TRAPPC9: variants seen among roughly 807,000 people sequenced by gnomAD.
The protein encoded by TRAPPC9 is IKK2 binding protein.
Under a neutral mutation model 124.0 loss-of-function variants are expected in TRAPPC9, and 83 were observed. The ratio of observed to expected loss-of-function variants is 0.67; its 90% CI spans 0.56 to 0.80. The LOEUF (loss-of-function observed/expected upper bound fraction) is 0.80, where lower values mean the gene tolerates loss of function less well. TRAPPC9 is among the 30% of genes least tolerant of loss of function. TRAPPC9 has a pLI of 0.00. For missense variants in TRAPPC9, 1,302 were observed against 1,508.3 expected (o/e 0.86, Z 2.27); for synonymous variants, 638 against 617.5 (o/e 1.03, Z -0.49).
chr8:140,174,438 G>A (rs1012306716), intron 17 of TRAPPC9, among the ~76,000 whole-genome samples: 1 of 152,132 alleles, frequency 6.6e-6, no homozygotes, highest in Non-Finnish European at 1.5e-5. Context: ...TTCACCCTTT[G>A]GAAACGGTAT....
chr8:140,099,158 G>T (rs954939641), intron 17 of TRAPPC9: 1 of 151,082 alleles, frequency 6.6e-6, no homozygotes, highest in African/African-American at 2.4e-5. Flanking sequence ...AGTCCGCAGG[G>T]TACTGACGCC....
At chr8:140,164,392 C>G (rs1018877061) in intron 17 of TRAPPC9, among the ~76,000 whole-genome samples, 2 of 152,214 alleles carry the variant, frequency 1.3e-5, no homozygotes, top group African/African-American at 4.8e-5. Flanking sequence ...GGTCTCCCTG[C>G]TATTAATCGT....
chr8:139,920,596 C>T (rs558013468), intron 19 of TRAPPC9, among the ~76,000 whole-genome samples: 68 of 152,362 alleles, frequency 4.5e-4, no homozygotes, highest in African/African-American at 1.3e-3. Flanking sequence ...ACAGGGCTCA[C>T]TCCCTCCTGC....
chr8:140,091,183 T>C (rs958088678), intron 17 of TRAPPC9, among the ~76,000 whole-genome samples: 2 of 152,210 alleles, frequency 1.3e-5, no homozygotes, highest in Non-Finnish European at 2.9e-5. Flanking sequence ...GGTGGCAGCC[T>C]GGCCCCATGC....
At position 140,252,942 on chromosome 8, in the gene TRAPPC9, CAAT is replaced by C; in HGVS notation, c.2279-16_2279-14del. ...CCATACAATTTTTCTGTAATAATAA[CAAT>C]GACAGTGATGAGGATGCTGTAACTG... On this transcript the variant is annotated splice_polypyrimidine_tract_variant and intron_variant, in intron 15 of 22. Transcript: ENST00000438773. The surrounding 1 kb of genome is among the most constrained non-coding windows in gnomAD (Gnocchi z 4.2). 6.2e-7 allele frequency: 1 copy of C among 1,613,362 alleles called. No individual in the cohort carries two copies. The highest frequency in any genetic ancestry group is 1.1e-5 in the South Asian group (1 of 91,066).
At chr8:140,438,035 C>T (rs755191313) in intron 3 of TRAPPC9, among the ~76,000 whole-genome samples, 2 of 152,232 alleles carry the variant, frequency 1.3e-5, no homozygotes, top group Middle Eastern at 3.4e-3. Flanking sequence ...TATAATTCAC[C>T]CACTTAAAGT....
chr8:140,254,196 G>A (rs1042004665), intron 15 of TRAPPC9, among the ~76,000 whole-genome samples: 1 of 152,246 alleles, frequency 6.6e-6, no homozygotes, highest in Admixed American at 6.5e-5. Context: ...CTCTGCTCCT[G>A]CAGATACAGG....
intron 21 of TRAPPC9, among the ~76,000 whole-genome samples, chr8:139,836,276 T>C (rs1826342826): frequency 6.6e-6 from 1 of 152,188 alleles, no homozygotes; most frequent in African/African-American, 2.4e-5. Flanking sequence ...CCCAAAGTGC[T>C]GGGTTACAGG....
chr8:139,960,340 G>T (rs1835294701), intron 19 of TRAPPC9, among the ~76,000 whole-genome samples: 1 of 152,114 alleles, frequency 6.6e-6, no homozygotes, highest in African/African-American at 2.4e-5. Flanking sequence ...GGCCCAGTGA[G>T]ACTCCTGTTG....
At chr8:140,012,656 G>A (rs1186580382) in intron 18 of TRAPPC9, among the ~76,000 whole-genome samples, 4 of 152,278 alleles carry the variant, frequency 2.6e-5, no homozygotes, top group Non-Finnish European at 4.4e-5. Flanking sequence ...TGGTCAGGCC[G>A]AGGCCCCCCA....
intron 9 of TRAPPC9, among the ~76,000 whole-genome samples, chr8:140,336,235 CTTGT>C (rs2067036556): frequency 6.6e-6 from 1 of 152,166 alleles, no homozygotes; most frequent in Non-Finnish European, 1.5e-5. Context: ...GTAAAAGCCC[CTTGT>C]TTATTTATGA....
chr8:140,088,813 T>C (rs1030209851), intron 17 of TRAPPC9, among the ~76,000 whole-genome samples: 1 of 152,214 alleles, frequency 6.6e-6, no homozygotes, highest in Non-Finnish European at 1.5e-5. Context: ...TTTTCTCTGA[T>C]ATGCTAACGT....
intron 9 of TRAPPC9, among the ~76,000 whole-genome samples, chr8:140,346,341 G>A (rs149912417): frequency 2.4e-4 from 37 of 152,222 alleles, no homozygotes; most frequent in African/African-American, 7.2e-4. Context: ...CCCAACTTAC[G>A]CGAGATGATC....
chr8:140,439,644 C>T (rs544076425), intron 2 of TRAPPC9, among the ~76,000 whole-genome samples: 5 of 152,202 alleles, frequency 3.3e-5, no homozygotes, highest in African/African-American at 1.2e-4. Flanking sequence ...CGTTCATCCT[C>T]GCTATTTCAG....
intron 21 of TRAPPC9, among the ~76,000 whole-genome samples, chr8:139,837,504 C>G (rs1160628563): frequency 1.3e-5 from 2 of 152,234 alleles, no homozygotes; most frequent in African/African-American, 4.8e-5. Flanking sequence ...CACGCTCCCC[C>G]ACCAGCCCCC....
Position 139,869,562 on chromosome 8 carries a change from A to G in TRAPPC9, c.3055+16317T>C, listed in dbSNP as rs141791358. On this transcript the variant is annotated intron_variant, in intron 21 of 22. Coordinates refer to ENST00000438773, the MANE Select transcript of TRAPPC9 (RefSeq NM_001160372.4). ...AAATAAGAAAGGATCTTAAAGAACT[A>G]CCCCGTATCATTAATAAAGTAGAGC... Among the ~76,000 whole-genome samples, 783 of 152,336 alleles carry G rather than the reference A, an allele frequency of 5.1e-3. 6 individuals are homozygous for G. Among genetic ancestry groups the G allele is most frequent in the African/African-American group, 0.018 (739 of 41,574 alleles).
At position 140,397,699 on chromosome 8, in the gene TRAPPC9, A is replaced by C. The variant is rs769122924; in HGVS notation, c.1055T>G (p.Val352Gly). Reference sequence around the variant, plus strand: ...CCGTTTCTGAATTGCAAGGACACGTACAGCCTTGATGCACGCTTCCAACTC... The same window carrying C: ...CCGTTTCTGAATTGCAAGGACACGTCCAGCCTTGATGCACGCTTCCAACTC... ...VIELEACIKA[V>G]RVLAIQKRSM... Residue 352 changes from valine to glycine, a missense_variant, in exon 7 of 23, where the codon GTA (valine) becomes GGA (glycine). Around this residue, in one of 3 missense-constraint regions of TRAPPC9, gnomAD observed 657 missense variants for 811.2 expected, o/e 0.81. Coordinates refer to ENST00000438773, the MANE Select transcript of TRAPPC9 (RefSeq NM_001160372.4). 1.2e-6 allele frequency: 2 copies of C among 1,614,220 alleles called. No homozygotes were observed. The highest frequency in any genetic ancestry group is 1.7e-6 in the Non-Finnish European group (2 of 1,180,020).
chr8:139,841,155 T>C (rs962504419), intron 21 of TRAPPC9, among the ~76,000 whole-genome samples: 3 of 152,142 alleles, frequency 2.0e-5, no homozygotes, highest in African/African-American at 4.8e-5. Flanking sequence ...CCACATCCCC[T>C]CGCCCCCGGC....
chr8:140,187,438 C>G (rs2062377506), intron 17 of TRAPPC9, among the ~76,000 whole-genome samples: 1 of 152,210 alleles, frequency 6.6e-6, no homozygotes, highest in Non-Finnish European at 1.5e-5. Context: ...GCTGTAGCTG[C>G]TTCCGAGGGT....
Sources: gnomAD v4.1 joint callset for allele counts (sites outside exome capture counted in the v4.1 genomes callset) on GRCh38, gnomAD v4.1.1 for gene constraint, gnomAD v4.1.1 regional missense constraint, Gnocchi (gnomAD v3.1) non-coding constraint, MANE v1.5 for transcripts, NCBI Gene and HGNC (gene_info 2026-07-23, HGNC 2026-07-21) for gene names.